SDK1: variants seen among roughly 807,000 people sequenced by gnomAD.
SDK1 encodes sidekick cell adhesion molecule 1.
A neutral mutation model predicts 245.5 loss-of-function variants in SDK1; 157 were observed. That is an observed-to-expected ratio of 0.64 (90% confidence interval 0.56 to 0.73). The LOEUF (loss-of-function observed/expected upper bound fraction) is 0.73. Among genes scored for constraint, SDK1 ranks in the 30% least tolerant of loss-of-function variants. The pLI is 0.00. For missense variants in SDK1, 3,583 were observed against 3,002.3 expected (o/e 1.19, Z -4.52); for synonymous variants, 1,647 against 1,278.5 (o/e 1.29, Z -6.15).
rs1056379581 is a variant in SDK1, at chr7:3,392,418, TC to T, written c.298+90535del. On this transcript the variant is annotated intron_variant, in intron 1 of 44. Coordinates refer to ENST00000404826, the MANE Select transcript of SDK1 (RefSeq NM_152744.4). ...CCTTTTGACATGACTCCATTAGTTT[TC>T]TTTTATATATACTTTTATGGTGGTA... Among the ~76,000 whole-genome samples the T allele has an allele frequency of 1.2e-4, 18 of 152,150 alleles. No individual in the cohort carries two copies. In the East Asian group the frequency reaches 2.3e-3, roughly 20 times the overall value.
chr7:4,129,715 G>T lies in SDK1; in HGVS notation c.3940-193G>T, dbSNP rs1784664205. 7.8e-6 allele frequency: 11 copies of T among 1,418,166 alleles called. 1 individual carries two copies. The East Asian group carries it at 2.6e-4, about 34-fold the overall frequency. 87.8% of individuals were successfully genotyped at this position (1,418,166 alleles called of 1,614,324 possible). A position where few individuals can be genotyped will look rare whatever the true frequency, so the allele number is the denominator to read the frequency against. ...CTAACTCAAGCTCCCCTGGAGCGCA[G>T]TCACTTTACAACCACCTTCCTCCCC... On this transcript the variant is annotated intron_variant, in intron 26 of 44. Coordinates refer to ENST00000404826, the MANE Select transcript of SDK1 (RefSeq NM_152744.4).
intron 1 of SDK1, among the ~76,000 whole-genome samples, chr7:3,549,539 G>C (rs140956318): frequency 6.6e-6 from 1 of 152,338 alleles, no homozygotes; most frequent in African/African-American, 2.4e-5. Context: ...AAGTAGGATA[G>C]AGGTATATCA....
At chr7:4,157,465 A>AGAAGGAAGGAGGGAAG (rs1584321530) in intron 30 of SDK1, among the ~76,000 whole-genome samples, 2 of 31,390 alleles carry the variant, frequency 6.4e-5, no homozygotes, top group Non-Finnish European at 1.1e-4. Flanking sequence ...TGGAAGGGAG[A>AGAAGGAAGGAGGGAAG]GAAGGAAGGA....
intron 1 of SDK1, among the ~76,000 whole-genome samples, chr7:3,615,551 G>C (rs1207863749): frequency 2.0e-5 from 3 of 151,836 alleles, no homozygotes; most frequent in South Asian, 2.1e-4. Flanking sequence ...AAGCGCTTAA[G>C]GGACAGCGAC....
At chr7:3,612,435 G>A (rs924533689) in intron 1 of SDK1, among the ~76,000 whole-genome samples, 1 of 152,144 alleles carries the variant, frequency 6.6e-6, no homozygotes, top group Non-Finnish European at 1.5e-5. Context: ...ACATTGCACT[G>A]TGAGATTAAA....
At chr7:3,352,121 T>C (rs1297628703) in intron 1 of SDK1, among the ~76,000 whole-genome samples, 1 of 149,110 alleles carries the variant, frequency 6.7e-6, no homozygotes, top group Admixed American at 6.7e-5. Flanking sequence ...TAATGTATAA[T>C]ATATAATTTT....
At chr7:3,987,468 C>T (rs1783949601) in intron 14 of SDK1, 146 bp downstream of exon 14, 2 of 844,328 alleles carry the variant, frequency 2.4e-6, no homozygotes, top group African/African-American at 3.5e-5. Flanking sequence ...CACAGCCTGC[C>T]CTTTAGGAAA....
intron 5 of SDK1, among the ~76,000 whole-genome samples, chr7:3,847,220 A>T (rs1244815567): frequency 6.6e-6 from 1 of 151,968 alleles, no homozygotes; most frequent in Non-Finnish European, 1.5e-5. Context: ...TGCTGTCTAG[A>T]TGCCCCATGG....
chr7:3,898,497 C>G (rs1475070216), intron 5 of SDK1, among the ~76,000 whole-genome samples: 2 of 152,156 alleles, frequency 1.3e-5, no homozygotes, highest in Non-Finnish European at 2.9e-5. Context: ...AAATTACTCA[C>G]TTTTCATGCA....
chr7:4,202,564 C>T (rs1230177403), intron 35 of SDK1, among the ~76,000 whole-genome samples: 1 of 152,186 alleles, frequency 6.6e-6, no homozygotes, highest in African/African-American at 2.4e-5. Context: ...CCGCCAGTCA[C>T]AGGGCCATGT....
intron 14 of SDK1, among the ~76,000 whole-genome samples, chr7:3,999,481 T>G (rs772107812): frequency 1.3e-5 from 2 of 152,184 alleles, no homozygotes; most frequent in Non-Finnish European, 2.9e-5. Context: ...GGGTTCCCTG[T>G]GGGCAGGTGT....
intron 4 of SDK1, among the ~76,000 whole-genome samples, chr7:3,789,700 A>G (rs913685436): frequency 4.6e-5 from 7 of 152,232 alleles, no homozygotes; most frequent in African/African-American, 7.2e-5. Flanking sequence ...AGATGATAGA[A>G]AGACAAGAAG....
chr7:3,427,980 C>T (rs1779723665), intron 1 of SDK1, among the ~76,000 whole-genome samples: 1 of 152,214 alleles, frequency 6.6e-6, no homozygotes, highest in Non-Finnish European at 1.5e-5. Context: ...TCAGATTTCA[C>T]TTTGAGTTTA....
At chr7:4,194,414 GTGTATACA>G (rs1223646506) in intron 35 of SDK1, among the ~76,000 whole-genome samples, 2 of 120,856 alleles carry the variant, frequency 1.7e-5, no homozygotes, top group Admixed American at 1.5e-4. Flanking sequence ...ATGCACATAT[GTGTATACA>G]TGTATACGTA....
intron 19 of SDK1, among the ~76,000 whole-genome samples, chr7:4,053,551 G>C (rs948752348): frequency 2.0e-5 from 3 of 152,134 alleles, no homozygotes; most frequent in African/African-American, 7.2e-5. Flanking sequence ...TGACTGTGCT[G>C]CCCCTGGAGC....
chr7:3,367,674 A>T (rs954513978), intron 1 of SDK1, among the ~76,000 whole-genome samples: 6 of 152,186 alleles, frequency 3.9e-5, no homozygotes, highest in Non-Finnish European at 4.4e-5. Flanking sequence ...AGTCTAGACC[A>T]TTTATAACTT....
intron 4 of SDK1, among the ~76,000 whole-genome samples, chr7:3,671,699 C>T (rs1429800379): frequency 6.6e-6 from 1 of 152,124 alleles, no homozygotes; most frequent in Non-Finnish European, 1.5e-5. Context: ...TGTTGTCATT[C>T]AGTACAAAAT....
intron 1 of SDK1, among the ~76,000 whole-genome samples, chr7:3,442,108 A>T (rs2128588763): frequency 6.6e-6 from 1 of 152,288 alleles, no homozygotes; most frequent in South Asian, 2.1e-4. Context: ...GATAGATTTA[A>T]GCCAGAGGTT....
chr7:3,890,368 A>G (rs746066431), intron 5 of SDK1, among the ~76,000 whole-genome samples: 1 of 152,214 alleles, frequency 6.6e-6, no homozygotes, highest in South Asian at 2.1e-4. Context: ...AATGTCAATG[A>G]TCTCACATTT....
Sources: gnomAD v4.1 joint callset for allele counts (sites outside exome capture counted in the v4.1 genomes callset) on GRCh38, gnomAD v4.1.1 for gene constraint, MANE v1.5 for transcripts, NCBI Gene and HGNC (gene_info 2026-07-23, HGNC 2026-07-21) for gene names.